The following ATP10B variants were observed in gnomAD, a reference collection of about 807,000 sequenced individuals.
ATP10B encodes phospholipid-transporting ATPase VB.
ATP10B carries 122 observed loss-of-function variants against 141.2 expected under a neutral mutation model. The observed-to-expected ratio is 0.86, with a 90% CI of 0.75 to 1.00. ATP10B has a LOEUF of 1.00. Ranked by LOEUF, ATP10B falls within the 50% of genes least tolerant of loss-of-function variation. ATP10B has a pLI of 0.00. For missense variants in ATP10B, 1,876 were observed against 1,825.3 expected (o/e 1.03, Z -0.51); for synonymous variants, 685 against 692.0 (o/e 0.99, Z 0.16).
At chr5:160,609,721 T>C (rs1757602678) in intron 18 of ATP10B, among the ~76,000 whole-genome samples, 1 of 152,172 alleles carries the variant, frequency 6.6e-6, no homozygotes, top group Admixed American at 6.5e-5. Context: ...TAGTTTATTA[T>C]TCCTGTGTCT....
At chr5:160,923,779 G>A in the ATP10B span, among the ~76,000 whole-genome samples, 3 of 152,180 alleles carry the variant, frequency 2.0e-5, no homozygotes, top group African/African-American at 7.2e-5. Context: ...CTCAAGCCAA[G>A]AAGCCAGTTA....
intron 1 of ATP10B, among the ~76,000 whole-genome samples, chr5:160,791,862 G>A (rs1290461228): frequency 7.2e-5 from 11 of 152,106 alleles, no homozygotes; most frequent in Admixed American, 7.2e-4. Context: ...AAAACTGACA[G>A]TATCAGCCTT....
At chr5:160,672,234 C>T (rs1317387686) in intron 6 of ATP10B, among the ~76,000 whole-genome samples, 1 of 152,120 alleles carries the variant, frequency 6.6e-6, no homozygotes, top group Non-Finnish European at 1.5e-5. Context: ...GTCTCGGCCT[C>T]CCAAAGTGCT....
chr5:160,827,895 G>A (rs1380481773), intron 1 of ATP10B, among the ~76,000 whole-genome samples: 1 of 152,138 alleles, frequency 6.6e-6, no homozygotes, highest in Non-Finnish European at 1.5e-5. Context: ...AGGTCAGATA[G>A]TTGCAGATAT....
chr5:160,694,114 A>T (rs1261870786), intron 3 of ATP10B, among the ~76,000 whole-genome samples: 4 of 152,178 alleles, frequency 2.6e-5, no homozygotes, highest in Non-Finnish European at 5.9e-5. Context: ...GCCGAAGCAC[A>T]TAAGGGTGGG....
intron 2 of ATP10B, among the ~76,000 whole-genome samples, chr5:160,742,408 C>T (rs1767540677): frequency 6.6e-6 from 1 of 151,544 alleles, no homozygotes; most frequent in African/African-American, 2.4e-5. Flanking sequence ...AAAAAAAAGG[C>T]TAGCAAGTCC....
chr5:160,568,061 G>A (rs1482540027), intron 25 of ATP10B, among the ~76,000 whole-genome samples: 2 of 152,174 alleles, frequency 1.3e-5, no homozygotes. Context: ...TCCCAAGTGG[G>A]TAGCATTTGC....
chr5:160,677,950 T>C (rs1227044833), intron 6 of ATP10B, among the ~76,000 whole-genome samples: 1 of 152,208 alleles, frequency 6.6e-6, no homozygotes, highest in Non-Finnish European at 1.5e-5. Context: ...TATTCTAACA[T>C]AGAGTCTATG....
chr5:160,681,980 C>T (rs1190349054), intron 6 of ATP10B, among the ~76,000 whole-genome samples: 2 of 152,228 alleles, frequency 1.3e-5, no homozygotes, highest in Admixed American at 6.5e-5. Context: ...TTGCCATAGT[C>T]ACCACCATTC....
the ATP10B span, among the ~76,000 whole-genome samples, chr5:160,893,552 A>G: frequency 1.3e-5 from 2 of 152,066 alleles, no homozygotes; most frequent in Non-Finnish European, 2.9e-5. Flanking sequence ...CCCAATCAAG[A>G]GCTTATAGAT....
Position 160,687,942 on chromosome 5 carries a change from G to T in ATP10B, c.133C>A (p.Gln45Lys), listed in dbSNP as rs891731872. 3 of 1,614,164 alleles carry T rather than the reference G, an allele frequency of 1.9e-6. No individual in the cohort carries two copies. Among genetic ancestry groups the T allele is most frequent in the Non-Finnish European group, 2.5e-6 (3 of 1,180,028 alleles). ...KGRQSYNLTQQRVVFPNNSIF... is the reference protein window; with the variant it reads ...KGRQSYNLTQKRVVFPNNSIF... ...CTGTTGTTGGGGAACACGACCCGCTGCTGTGTCAAGTTGTAGCTCTGTCTC... is the reference window on the plus strand; with the variant it reads ...CTGTTGTTGGGGAACACGACCCGCTTCTGTGTCAAGTTGTAGCTCTGTCTC... Residue 45 changes from glutamine to lysine, a missense_variant, in exon 5 of 26, where the codon CAG becomes AAG. By Grantham distance (53) the Gln-to-Lys change is moderately conservative. Transcript: ENST00000327245.
At chr5:160,852,883 C>G (rs1753878305), upstream of ATP10B, among the ~76,000 whole-genome samples, 1 of 146,778 alleles carries the variant, frequency 6.8e-6, no homozygotes, top group African/African-American at 2.5e-5. Context: ...GTAGAATGAG[C>G]AGTAAGTTGA....
chr5:160,806,303 C>G (rs1012943033), intron 1 of ATP10B, among the ~76,000 whole-genome samples: 1 of 152,176 alleles, frequency 6.6e-6, no homozygotes, highest in African/African-American at 2.4e-5. Flanking sequence ...CAATTACACT[C>G]CCCTGACCCA....
At chr5:160,879,612 G>A in the ATP10B span, among the ~76,000 whole-genome samples, 19 of 151,766 alleles carry the variant, frequency 1.3e-4, no homozygotes, top group African/African-American at 4.4e-4. Context: ...GCCAAGGTGG[G>A]TGGACGGTGA....
chr5:160,632,617 GA>G (rs1759015753), intron 12 of ATP10B: 1 of 186,490 alleles, frequency 5.4e-6, no homozygotes, highest in Non-Finnish European at 9.4e-6. Flanking sequence ...TATTTCCTCA[GA>G]GGTTTTTTTT....
At chr5:160,879,279 C>G in the ATP10B span, among the ~76,000 whole-genome samples, 4 of 62,618 alleles carry the variant, frequency 6.4e-5, no homozygotes, top group Admixed American at 7.7e-4. Flanking sequence ...AGTAAACTAT[C>G]GCAAGAACAA....
At chr5:160,772,130 G>A (rs549394697) in intron 2 of ATP10B, among the ~76,000 whole-genome samples, 2 of 152,230 alleles carry the variant, frequency 1.3e-5, no homozygotes, top group African/African-American at 4.8e-5. Flanking sequence ...AATCTTTTGG[G>A]TTAATACCCA....
intron 2 of ATP10B, among the ~76,000 whole-genome samples, chr5:160,781,458 C>T (rs1770709645): frequency 6.6e-6 from 1 of 151,904 alleles, no homozygotes; most frequent in Admixed American, 6.6e-5. Flanking sequence ...TTGGTGGGCA[C>T]AGAACTCCAG....
intron 3 of ATP10B, among the ~76,000 whole-genome samples, chr5:160,700,945 T>G (rs1366880988): frequency 1.3e-5 from 2 of 152,132 alleles, no homozygotes; most frequent in African/African-American, 2.4e-5. Context: ...AAGACTTTGA[T>G]TCCTCTTTTA....
Sources: gnomAD v4.1 joint callset for allele counts (sites outside exome capture counted in the v4.1 genomes callset) on GRCh38, gnomAD v4.1.1 for gene constraint, MANE v1.5 for transcripts, NCBI Gene and HGNC (gene_info 2026-07-23, HGNC 2026-07-21) for gene names.